The following CDH13 variants were observed in gnomAD, a reference collection of about 807,000 sequenced individuals.
The protein encoded by CDH13 is cadherin-13.
In CDH13, 24 loss-of-function variants were observed where a neutral mutation model predicts 63.8. That is an observed-to-expected ratio of 0.38 (90% CI 0.27 to 0.53). The LOEUF (loss-of-function observed/expected upper bound fraction) is 0.53, where lower values mean the gene tolerates loss of function less well. CDH13 is among the 20% of genes least tolerant of loss of function. CDH13 has a pLI of 0.85. For missense variants in CDH13, 1,049 were observed against 903.1 expected (o/e 1.16, Z -2.07); for synonymous variants, 503 against 355.3 (o/e 1.42, Z -4.67).
intron 11 of CDH13, among the ~76,000 whole-genome samples, chr16:83,779,406 C>CAAAAAAA (rs144757645): frequency 1.2e-4 from 10 of 82,578 alleles, no homozygotes; most frequent in Non-Finnish European, 1.2e-4. Flanking sequence ...GACTCCATCT[C>CAAAAAAA]AAAAAAAAAA....
chr16:83,128,003 C>T (rs1047852998), intron 4 of CDH13, among the ~76,000 whole-genome samples: 3 of 152,110 alleles, frequency 2.0e-5, no homozygotes, highest in Non-Finnish European at 2.9e-5. Context: ...TGCCAAGGGA[C>T]CTGACTCCCC....
rs201516171 is a variant in CDH13 at position 83,436,693 on chromosome 16, T to G, written c.782-49784T>G. 4.6e-5 allele frequency among the ~76,000 whole-genome samples: 7 copies of G among 152,374 alleles called. No individual in the cohort carries two copies. In the East Asian group the frequency reaches 1.2e-3, roughly 25 times the overall value. On this transcript the variant is annotated intron_variant, in intron 6 of 13. Coordinates refer to ENST00000567109, the MANE Select transcript of CDH13 (RefSeq NM_001257.5). The stretch of plus-strand genomic sequence containing the variant: ...TGTGCCAAGTAATATGTTCCATGTG[T>G]AATCCCAGTTTTCTGATAGTAAAAA...
chr16:83,026,957 A>G (rs1915864399), intron 2 of CDH13, among the ~76,000 whole-genome samples: 1 of 152,162 alleles, frequency 6.6e-6, no homozygotes, highest in South Asian at 2.1e-4. Flanking sequence ...CACGGGGTCC[A>G]GGGGCCAAGG....
intron 6 of CDH13, among the ~76,000 whole-genome samples, chr16:83,366,620 G>A (rs2091262085): frequency 1.3e-5 from 2 of 152,188 alleles, no homozygotes; most frequent in African/African-American, 4.8e-5. Context: ...TTTAAGGCTT[G>A]TACAAGCTTT....
At chr16:83,240,000 A>G (rs1424180) in intron 5 of CDH13, among the ~76,000 whole-genome samples, 151,579 of 152,298 alleles carry the variant, frequency 1, 75,436 homozygotes, top group Middle Eastern at 1. Flanking sequence ...AATATCTGTA[A>G]AGAGAGAAAG....
intron 3 of CDH13, among the ~76,000 whole-genome samples, chr16:83,111,812 A>G (rs1323376011): frequency 9.9e-5 from 15 of 152,206 alleles, no homozygotes; most frequent in Admixed American, 9.8e-4. Flanking sequence ...TCATCATTTT[A>G]TGGAATATCA....
chr16:82,792,557 C>T (rs772508117), intron 1 of CDH13, among the ~76,000 whole-genome samples: 1 of 151,996 alleles, frequency 6.6e-6, no homozygotes, highest in African/African-American at 2.4e-5. Flanking sequence ...GTTTAGTTGC[C>T]CCTCTAGACT....
chr16:83,010,002 G>A (rs1415716162), intron 2 of CDH13, among the ~76,000 whole-genome samples: 2 of 151,954 alleles, frequency 1.3e-5, no homozygotes, highest in Non-Finnish European at 2.9e-5. Context: ...GGGCATGGCG[G>A]CACACGCCTG....
chr16:83,221,233 T>A (rs1000990494), intron 5 of CDH13, among the ~76,000 whole-genome samples: 9 of 152,094 alleles, frequency 5.9e-5, no homozygotes, highest in African/African-American at 2.2e-4. Flanking sequence ...GGGAAGGGAG[T>A]TTGGCTGGCT....
intron 6 of CDH13, among the ~76,000 whole-genome samples, chr16:83,352,249 C>G (rs934283486): frequency 6.6e-6 from 1 of 151,952 alleles, no homozygotes; most frequent in African/African-American, 2.4e-5. Flanking sequence ...CAATCAGAGA[C>G]CATTTCCCAA....
intron 2 of CDH13, among the ~76,000 whole-genome samples, chr16:82,942,888 A>G (rs1448209509): frequency 6.6e-6 from 1 of 152,156 alleles, no homozygotes; most frequent in African/African-American, 2.4e-5. Context: ...CTGAGCTATA[A>G]TGTGGTGATG....
At chr16:82,659,013 C>T (rs13337405) in intron 1 of CDH13, among the ~76,000 whole-genome samples, 1 of 152,172 alleles carries the variant, frequency 6.6e-6, no homozygotes, top group Non-Finnish European at 1.5e-5. Flanking sequence ...TCCTGGCCAT[C>T]ATCCCAGGCT....
chr16:83,627,011 T>G (rs534562826), intron 8 of CDH13, among the ~76,000 whole-genome samples: 1 of 152,142 alleles, frequency 6.6e-6, no homozygotes, highest in African/African-American at 2.4e-5. Flanking sequence ...AGCCAGGCGT[T>G]GTGGCTCATG....
intron 1 of CDH13, among the ~76,000 whole-genome samples, chr16:82,697,739 T>TTGTGTGTGTG (rs56791322): frequency 2.7e-5 from 4 of 146,582 alleles, no homozygotes; most frequent in African/African-American, 7.8e-5. Flanking sequence ...GGCCGAGGCA[T>TTGTGTGTGTG]TGTGTGTGTG....
chr16:83,325,793 G>A (rs74034145), intron 5 of CDH13, among the ~76,000 whole-genome samples: 1,574 of 152,124 alleles, frequency 0.01, 24 homozygotes, highest in African/African-American at 0.036. Flanking sequence ...TCCTTGACCT[G>A]CAAAACAGAA....
At chr16:82,984,231 C>T (rs143561758) in intron 2 of CDH13, among the ~76,000 whole-genome samples, 41 of 152,318 alleles carry the variant, frequency 2.7e-4, no homozygotes, top group Non-Finnish European at 5.3e-4. Flanking sequence ...ATTAGCCAGC[C>T]TAATTTGAAA....
intron 1 of CDH13, among the ~76,000 whole-genome samples, chr16:82,649,085 GTT>G (rs1449202728): frequency 1.7e-5 from 2 of 118,416 alleles, no homozygotes; most frequent in Non-Finnish European, 3.5e-5. Context: ...TATAAATATA[GTT>G]AGAGAGTGAG....
intron 4 of CDH13, among the ~76,000 whole-genome samples, chr16:83,195,837 T>C (rs963457678): frequency 6.6e-6 from 1 of 152,154 alleles, no homozygotes; most frequent in Non-Finnish European, 1.5e-5. Context: ...AACTGCTTCT[T>C]AGTAAAGATG....
chr16:83,108,640 A>T (rs1445862869), intron 3 of CDH13, among the ~76,000 whole-genome samples: 1 of 152,286 alleles, frequency 6.6e-6, no homozygotes, highest in East Asian at 1.9e-4. Flanking sequence ...TTCATCCAGG[A>T]CCAGCAGTCC....
Sources: gnomAD v4.1 joint callset for allele counts (sites outside exome capture counted in the v4.1 genomes callset) on GRCh38, gnomAD v4.1.1 for gene constraint, MANE v1.5 for transcripts, NCBI Gene and HGNC (gene_info 2026-07-23, HGNC 2026-07-21) for gene names.